Variants in ST3GAL3 observed in about 807,000 individuals in gnomAD.
The protein encoded by ST3GAL3 is CMP-N-acetylneuraminate-beta-1,4-galactoside alpha-2,3-sialyltransferase.
In ST3GAL3, 21 loss-of-function variants were observed where a neutral mutation model predicts 50.1. The ratio of observed to expected loss-of-function variants is 0.42; its 90% confidence interval spans 0.30 to 0.60. The LOEUF (loss-of-function observed/expected upper bound fraction) is 0.60, where lower values mean the gene tolerates loss of function less well. ST3GAL3 is among the 20% of genes least tolerant of loss of function. The pLI, the probability that ST3GAL3 is intolerant of heterozygous loss-of-function variation, is 0.19. For missense variants in ST3GAL3, 353 were observed against 489.4 expected (o/e 0.72, Z 2.63); for synonymous variants, 183 against 190.0 (o/e 0.96, Z 0.30).
chr1:43,732,544 T>C (rs943840243), intron 1 of ST3GAL3, among the ~76,000 whole-genome samples: 2 of 152,202 alleles, frequency 1.3e-5, no homozygotes, highest in African/African-American at 4.8e-5. Flanking sequence ...CCATTCCTTG[T>C]TGGTTCCTTT....
intron 2 of ST3GAL3, among the ~76,000 whole-genome samples, chr1:43,742,236 G>A (rs1013055553): frequency 4.0e-5 from 6 of 151,552 alleles, no homozygotes; most frequent in African/African-American, 9.7e-5. Flanking sequence ...CACCCCTGGC[G>A]TCCAGCTGAG....
intron 4 of ST3GAL3, among the ~76,000 whole-genome samples, chr1:43,833,780 G>T (rs1333218509): frequency 1.3e-5 from 2 of 152,168 alleles, no homozygotes; most frequent in African/African-American, 4.8e-5. Flanking sequence ...CCTAGGTGGC[G>T]CAGGTCCACA....
In ST3GAL3 at chr1:43,855,860, C is replaced by G. The variant is rs982455429; in HGVS notation, c.302+17549C>G. Among the ~76,000 whole-genome samples the G allele has an allele frequency of 2.6e-5, 4 of 152,114 alleles. No homozygotes were observed. The South Asian group carries it at 6.2e-4, about 24-fold the overall frequency. Reference sequence around the variant, plus strand: ...CAATGAAACGGGCATTAATAACATACACATTTTATTGCCTAGCATAAACAG... The same window carrying G: ...CAATGAAACGGGCATTAATAACATAGACATTTTATTGCCTAGCATAAACAG... On this transcript the variant is annotated intron_variant, in intron 5 of 11. Coordinates refer to ENST00000347631, the MANE Select transcript of ST3GAL3 (RefSeq NM_006279.5).
intron 5 of ST3GAL3, among the ~76,000 whole-genome samples, chr1:43,848,298 T>TTC (rs2154210359): frequency 7.0e-6 from 1 of 142,680 alleles, no homozygotes; most frequent in Admixed American, 6.9e-5. Context: ...GGTTTTCTTT[T>TTC]TTTTTTTTTT....
chr1:43,904,564 C>T (rs2078828062), intron 9 of ST3GAL3, among the ~76,000 whole-genome samples: 1 of 151,996 alleles, frequency 6.6e-6, no homozygotes, highest in Non-Finnish European at 1.5e-5. Context: ...CTCCTCTACC[C>T]CCAGATAAAA....
At chr1:43,744,716 T>A (rs6696529) in intron 2 of ST3GAL3, among the ~76,000 whole-genome samples, 52,533 of 143,436 alleles carry the variant, frequency 0.37, 10,173 homozygotes, top group African/African-American at 0.53. Context: ...AAATAAAATA[T>A]AATAGCCTGG....
intron 5 of ST3GAL3, among the ~76,000 whole-genome samples, chr1:43,863,185 A>T (rs529201289): frequency 1.5e-4 from 23 of 152,348 alleles, no homozygotes; most frequent in Non-Finnish European, 2.9e-5. Flanking sequence ...TTTCAGAGAC[A>T]TTCAAGTCAA....
At chr1:43,775,062 C>T (rs922522621) in intron 2 of ST3GAL3, among the ~76,000 whole-genome samples, 1 of 152,088 alleles carries the variant, frequency 6.6e-6, no homozygotes, top group African/African-American at 2.4e-5. Context: ...TCCCTGACTC[C>T]CTGATTCTGG....
chr1:43,720,533 T>G (rs1669897981), intron 1 of ST3GAL3: 1 of 152,196 alleles, frequency 6.6e-6, no homozygotes, highest in Non-Finnish European at 1.5e-5. Flanking sequence ...CTCCTTGCTG[T>G]ATCATCTCAT....
chr1:43,741,692 A>T (rs1469519087), intron 2 of ST3GAL3, among the ~76,000 whole-genome samples: 2 of 152,220 alleles, frequency 1.3e-5, no homozygotes, highest in Non-Finnish European at 2.9e-5. Flanking sequence ...AGTAAGTGGT[A>T]TCAGAACTAG....
At chr1:43,829,249 T>A (rs2063219833) in intron 4 of ST3GAL3, among the ~76,000 whole-genome samples, 1 of 152,234 alleles carries the variant, frequency 6.6e-6, no homozygotes, top group Admixed American at 6.5e-5. Flanking sequence ...TTTCTTTATT[T>A]CTTTGTTCAT....
intron 2 of ST3GAL3, among the ~76,000 whole-genome samples, chr1:43,745,151 C>T (rs1683073372): frequency 6.6e-6 from 1 of 152,146 alleles, no homozygotes. Flanking sequence ...AAATGGTAGG[C>T]AAATATGACT....
chr1:43,901,119 C>T (rs1026343344), intron 9 of ST3GAL3, among the ~76,000 whole-genome samples: 4 of 152,232 alleles, frequency 2.6e-5, no homozygotes, highest in African/African-American at 9.6e-5. Flanking sequence ...GAATTAGGGT[C>T]ACAGATAGAC....
At chr1:43,913,508 A>C (rs1489798287) in intron 9 of ST3GAL3, 1 of 152,028 alleles carries the variant, frequency 6.6e-6, no homozygotes, top group East Asian at 1.9e-4. Context: ...TGTTCTGTGT[A>C]TGTGCCTGTG....
intron 1 of ST3GAL3, among the ~76,000 whole-genome samples, chr1:43,708,640 TTTA>T (rs1185758303): frequency 6.6e-6 from 1 of 152,222 alleles, no homozygotes; most frequent in Non-Finnish European, 1.5e-5. Flanking sequence ...GGCACAGAAA[TTTA>T]TAGCCAAATG....
chr1:43,817,590 TC>T (rs2061481768), intron 4 of ST3GAL3, among the ~76,000 whole-genome samples: 3 of 57,678 alleles, frequency 5.2e-5, no homozygotes, highest in Non-Finnish European at 7.6e-5. Context: ...CTCCTCCTTC[TC>T]CTCCTCCCTT....
At chr1:43,742,538 A>G (rs1262205562) in intron 2 of ST3GAL3, among the ~76,000 whole-genome samples, 4 of 152,248 alleles carry the variant, frequency 2.6e-5, no homozygotes, top group African/African-American at 9.6e-5. Context: ...TATGTGTAAT[A>G]TCCACAGTGG....
Position 43,749,235 on chromosome 1 carries a change from T to C in ST3GAL3, c.118+12855T>C, listed in dbSNP as rs547171669. Among the ~76,000 whole-genome samples, 5 of 152,322 alleles carry C rather than the reference T, an allele frequency of 3.3e-5. No individual in the cohort carries two copies. In the East Asian group the frequency reaches 9.6e-4, roughly 29 times the overall value. On this transcript the variant is annotated intron_variant, in intron 2 of 11. Transcript: ENST00000347631. ...GGATCGTAGACCTAAGTGTAAAATTTATAGAAAAGGAGAAAATCTTCATGC... is the reference window on the plus strand; with the variant it reads ...GGATCGTAGACCTAAGTGTAAAATTCATAGAAAAGGAGAAAATCTTCATGC...
chr1:43,780,360 A>G (rs1367970228), intron 2 of ST3GAL3, among the ~76,000 whole-genome samples: 1 of 152,098 alleles, frequency 6.6e-6, no homozygotes, highest in Non-Finnish European at 1.5e-5. Context: ...TGGAAATTTG[A>G]AATTTCATGA....
Sources: allele counts gnomAD v4.1 joint callset (sites outside exome capture counted in the v4.1 genomes callset), GRCh38; gene constraint gnomAD v4.1.1; transcripts MANE v1.5; gene names NCBI Gene and HGNC (gene_info 2026-07-23, HGNC 2026-07-21).